The following NFIA variants were observed in gnomAD, a reference collection of about 807,000 sequenced individuals.
NFIA encodes the protein nuclear factor I A.
In NFIA, 8 loss-of-function variants were observed where a neutral mutation model predicts 62.8. The ratio of observed to expected loss-of-function variants is 0.13; its 90% CI spans 0.07 to 0.23. The LOEUF (loss-of-function observed/expected upper bound fraction) is 0.23. NFIA is among the 10% of genes least tolerant of loss of function. NFIA has a pLI of 1.00. For synonymous variants in NFIA, 235 were observed against 238.1 expected (o/e 0.99, Z 0.12); for missense variants, 410 against 642.1 (o/e 0.64, Z 3.91).
chr1:61,407,853 A>G (rs1432764581), intron 9 of NFIA, among the ~76,000 whole-genome samples: 1 of 152,170 alleles, frequency 6.6e-6, no homozygotes, highest in African/African-American at 2.4e-5. Flanking sequence ...AGACATAAGC[A>G]TCGGGATTGG....
At chr1:61,306,142 A>G (rs146959152) in intron 3 of NFIA, among the ~76,000 whole-genome samples, 1,552 of 151,224 alleles carry the variant, frequency 0.01, 13 homozygotes, top group African/African-American at 0.016. Flanking sequence ...GAGCCACCGC[A>G]CCCAGCCTTC....
chr1:61,141,449 G>A (rs985814363), intron 2 of NFIA, among the ~76,000 whole-genome samples: 2 of 152,120 alleles, frequency 1.3e-5, no homozygotes, highest in African/African-American at 2.4e-5. Flanking sequence ...TAAAGTCAGC[G>A]CCTATAATAC....
chr1:61,426,029 G>A (rs1225042272), intron 9 of NFIA, among the ~76,000 whole-genome samples: 2 of 152,278 alleles, frequency 1.3e-5, no homozygotes, highest in African/African-American at 4.8e-5. Context: ...ACCATTTCAT[G>A]ATTTTTTAAG....
At chr1:61,119,465 TG>T (rs1182823233) in intron 2 of NFIA, among the ~76,000 whole-genome samples, 1 of 152,180 alleles carries the variant, frequency 6.6e-6, no homozygotes, top group African/African-American at 2.4e-5. Context: ...TAAGAGAAAC[TG>T]TATGGAAATG....
At chr1:61,430,246 G>A (rs1317237182) in intron 10 of NFIA, among the ~76,000 whole-genome samples, 1 of 152,182 alleles carries the variant, frequency 6.6e-6, no homozygotes, top group African/African-American at 2.4e-5. Context: ...ATCATGCCCA[G>A]CACATAGTGG....
chr1:61,412,708 TG>T (rs1205387792), intron 9 of NFIA, among the ~76,000 whole-genome samples: 2 of 152,220 alleles, frequency 1.3e-5, no homozygotes, highest in Non-Finnish European at 2.9e-5. Flanking sequence ...TGCAGGTGAC[TG>T]GGTTTTTCTG....
chr1:61,192,542 A>C (rs1229714833), intron 2 of NFIA, among the ~76,000 whole-genome samples: 1 of 129,846 alleles, frequency 7.7e-6, no homozygotes, highest in Non-Finnish European at 1.6e-5. Context: ...ACTACTAAAA[A>C]TACAAAAAAA....
chr1:61,258,407 A>G (rs1202995662), intron 2 of NFIA, among the ~76,000 whole-genome samples: 1 of 152,178 alleles, frequency 6.6e-6, no homozygotes, highest in African/African-American at 2.4e-5. Context: ...AACCAAAAGG[A>G]CTTTTTCATA....
At chr1:61,082,362 C>T (rs1399853435), upstream of NFIA, 1 of 480,110 alleles carries the variant, frequency 2.1e-6, no homozygotes, top group Non-Finnish European at 2.7e-6. Context: ...CGCCCCCTCC[C>T]CCACACCCCC....
intron 10 of NFIA, among the ~76,000 whole-genome samples, chr1:61,432,810 C>G (rs1449025131): frequency 6.6e-6 from 1 of 152,018 alleles, no homozygotes; most frequent in South Asian, 2.1e-4. Flanking sequence ...ATTCCACTTT[C>G]TCCTGACTTT....
rs142155322 is a variant in NFIA at position 61,279,766 on chromosome 1, G to T, written c.625+2181G>T. Reference sequence around the variant, plus strand: ...CAAATATAAATTGAGAGCATGAGAGGCCTGGCATGCCTTTCTGGAGCTGCC... The same window carrying T: ...CAAATATAAATTGAGAGCATGAGAGTCCTGGCATGCCTTTCTGGAGCTGCC... On this transcript the variant is annotated intron_variant, in intron 3 of 10. Coordinates refer to ENST00000403491, the MANE Select transcript of NFIA (RefSeq NM_001134673.4). Among the ~76,000 whole-genome samples the T allele has an allele frequency of 4.4e-3, 676 of 152,240 alleles. 3 individuals are homozygous for T. The highest frequency in any genetic ancestry group is 0.021 in the Middle Eastern group (6 of 292).
At chr1:61,232,222 A>G (rs1176817267) in intron 2 of NFIA, among the ~76,000 whole-genome samples, 2 of 152,186 alleles carry the variant, frequency 1.3e-5, no homozygotes, top group Non-Finnish European at 2.9e-5. Context: ...TATCTGAATA[A>G]TAAAGCATGG....
rs919932125 is a variant in NFIA, at chr1:61,458,620, G to A, written c.*3300G>A. ...GTTCATTATAAAGGCAGCGTTCATA[G>A]AATTGCTTTTCTTTCTTTTTACCCC... is the stretch of plus-strand genomic sequence containing the variant. On this transcript the variant is annotated 3_prime_UTR_variant, in exon 11 of 11. Coordinates refer to ENST00000403491, the MANE Select transcript of NFIA (RefSeq NM_001134673.4). The A allele has an allele frequency of 1.3e-5, 2 of 150,870 alleles. No individual in the cohort carries two copies. The highest frequency in any genetic ancestry group is 4.9e-5 in the African/African-American group (2 of 41,028). 9.3% of individuals were successfully genotyped at this position (150,870 alleles called of 1,614,324 possible).
Position 61,447,127 on chromosome 1 carries a change from CA to C in NFIA, c.1513-8169del, listed in dbSNP as rs556654997. Among the ~76,000 whole-genome samples the C allele has an allele frequency of 2.6e-3, 387 of 151,560 alleles. 1 individual carries two copies. Among genetic ancestry groups the C allele is most frequent in the African/African-American group, 9.1e-3 (373 of 41,122 alleles). ...CCACTCTCCTCAACTCTCCCCCTGCCAAAAAAATTTAAAAAAAAATTGTGAA... is the reference window on the plus strand; with the variant it reads ...CCACTCTCCTCAACTCTCCCCCTGCCAAAAAATTTAAAAAAAAATTGTGAA... On this transcript the variant is annotated intron_variant, in intron 10 of 10. Transcript: ENST00000403491.
At chr1:61,117,264 A>G (rs1646807913) in intron 2 of NFIA, among the ~76,000 whole-genome samples, 1 of 152,164 alleles carries the variant, frequency 6.6e-6, no homozygotes. Context: ...TTCTGGTGAA[A>G]TTATGTGGCT....
At chr1:61,208,494 T>G (rs1653037333) in intron 2 of NFIA, among the ~76,000 whole-genome samples, 1 of 152,214 alleles carries the variant, frequency 6.6e-6, no homozygotes, top group Non-Finnish European at 1.5e-5. Flanking sequence ...TATTTCTAAA[T>G]TCAAAGGGAA....
intron 2 of NFIA, among the ~76,000 whole-genome samples, chr1:61,259,171 T>C (rs528255181): frequency 1.2e-4 from 19 of 152,372 alleles, no homozygotes; most frequent in African/African-American, 4.6e-4. Context: ...ATGACACATT[T>C]TGCCCATCCC....
intron 10 of NFIA, among the ~76,000 whole-genome samples, chr1:61,452,285 ACTAT>A (rs1668093434): frequency 1.3e-5 from 2 of 151,728 alleles, no homozygotes; most frequent in South Asian, 4.2e-4. Context: ...TATTATTAGA[ACTAT>A]CTGCCATCTC....
At chr1:61,319,948 T>C (rs1660592127) in intron 3 of NFIA, among the ~76,000 whole-genome samples, 1 of 152,048 alleles carries the variant, frequency 6.6e-6, no homozygotes, top group Non-Finnish European at 1.5e-5. Flanking sequence ...AGATCTGTGT[T>C]CTCTATTCAC....
Sources: gnomAD v4.1 joint callset for allele counts (sites outside exome capture counted in the v4.1 genomes callset) on GRCh38, gnomAD v4.1.1 for gene constraint, MANE v1.5 for transcripts, NCBI Gene and HGNC (gene_info 2026-07-23, HGNC 2026-07-21) for gene names.